The following UPK3B variants were observed in gnomAD, a reference collection of about 807,000 sequenced individuals.
The protein encoded by UPK3B is uroplakin-3b.
A neutral mutation model predicts 27.6 loss-of-function variants in UPK3B; 21 were observed. The observed-to-expected ratio is 0.76, with a 90% CI of 0.54 to 1.10. The LOEUF (loss-of-function observed/expected upper bound fraction) is 1.10. UPK3B is among the 50% of genes least tolerant of loss of function. UPK3B has a pLI of 0.00. For missense variants in UPK3B, 306 were observed against 376.1 expected (o/e 0.81, Z 1.54); for synonymous variants, 141 against 162.3 (o/e 0.87, Z 1.00).
chr7:76,513,370 G>A (rs1186978118), intron 4 of UPK3B, among the ~76,000 whole-genome samples: 1 of 152,154 alleles, frequency 6.6e-6, no homozygotes, highest in Admixed American at 6.6e-5. Context: ...CGGCCCATCC[G>A]CAAGCGTTTG....
At position 76,516,510 on chromosome 7, in the gene UPK3B, G is replaced by A; in HGVS notation, c.*1306G>A. On this transcript the variant is annotated 3_prime_UTR_variant, in exon 6 of 6. Transcript: ENST00000334348. ...GCCCTCTTTGGAGGTGAATAAATGC[G>A]GTCTGGAGCCCACCCTGGCCTGAAT... is the stretch of plus-strand genomic sequence containing the variant. 4.9e-6 allele frequency: 3 copies of A among 611,404 alleles called. 1 individual carries two copies. The highest frequency in any genetic ancestry group is 5.7e-6 in the Non-Finnish European group (3 of 529,788). 37.9% of individuals were successfully genotyped at this position (611,404 alleles called of 1,614,324 possible). A position where few individuals can be genotyped will look rare whatever the true frequency, so the allele number is the denominator to read the frequency against.
rs768946440 is a variant in UPK3B at position 76,510,761 on chromosome 7, G to T, written c.85+24G>T. ...GGGTGAGTGGGGGTCCTGGATGGAC[G>T]CGTCCAGCCAGACCCAAGGGGCTGG... On this transcript the variant is annotated intron_variant, in intron 1 of 5. Transcript: ENST00000334348. 1.9e-5 allele frequency: 30 copies of T among 1,548,910 alleles called. No individual in the cohort carries two copies. Among genetic ancestry groups the T allele is most frequent in the African/African-American group, 4.1e-5 (3 of 73,204 alleles).
chr7:76,511,752 C>T lies in UPK3B; in HGVS notation c.331C>T (p.Pro111Ser), dbSNP rs1192093267. Residue 111 changes from proline (P) to serine (S), a missense_variant, in exon 3 of 6, where the codon CCG (proline) becomes TCG (serine). Pro to Ser is a moderately conservative substitution (Grantham distance 74). Coordinates refer to ENST00000334348, the MANE Select transcript of UPK3B (RefSeq NM_001347684.2). ...DGHYMTLPLSPDQLPCGDPMA... is the reference protein window; with the variant it reads ...DGHYMTLPLSSDQLPCGDPMA... ...CCACTACATGACGCTGCCCCTGTCT[C>T]CGGACCAGCTGCCCTGTGGCGACCC... 3.7e-6 allele frequency: 6 copies of T among 1,610,532 alleles called. No individual in the cohort carries two copies. The highest frequency in any genetic ancestry group is 4.2e-6 in the Non-Finnish European group (5 of 1,179,020).
In UPK3B at chr7:76,514,627, C is replaced by T. The variant is rs541706307; in HGVS notation, c.672-418C>T. On this transcript the variant is annotated intron_variant, in intron 5 of 5. Coordinates refer to ENST00000334348, the MANE Select transcript of UPK3B (RefSeq NM_001347684.2). ...AGGGATCAGAGACTGCAGGTGAGGCCGGGTGCAGTGGCACATGCCTGTAAT... is the reference window on the plus strand; with the variant it reads ...AGGGATCAGAGACTGCAGGTGAGGCTGGGTGCAGTGGCACATGCCTGTAAT... 1.1e-4 allele frequency among the ~76,000 whole-genome samples: 17 copies of T among 152,112 alleles called. No individual in the cohort carries two copies. In the East Asian group the frequency reaches 1.6e-3, roughly 14 times the overall value.
intron 2 of UPK3B, chr7:76,511,429 G>C: frequency 1.1e-6 from 1 of 917,470 alleles, no homozygotes; most frequent in Non-Finnish European, 1.6e-6. Flanking sequence ...GGCAGGTTGG[G>C]ACTGCCCGCT....
intron 5 of UPK3B, 85 bp downstream of exon 5, chr7:76,514,161 A>C: frequency 6.3e-7 from 1 of 1,594,508 alleles, no homozygotes; most frequent in Non-Finnish European, 8.6e-7. Flanking sequence ...CCCTCCAGGC[A>C]TGCCATGGGG....
At chr7:76,513,528 C>A (rs912513400) in intron 4 of UPK3B, among the ~76,000 whole-genome samples, 6 of 152,020 alleles carry the variant, frequency 3.9e-5, no homozygotes, top group African/African-American at 7.3e-5. Context: ...TCTGAGCAGA[C>A]CCCAAGGGGC....
chr7:76,513,107 C>T lies in UPK3B; in HGVS notation c.485C>T (p.Thr162Ile). The change falls in exon 4 of 6, where the codon ACC becomes ATC. Residue 162 changes from threonine (T) to isoleucine (I), a missense_variant. Coordinates refer to ENST00000334348, the MANE Select transcript of UPK3B (RefSeq NM_001347684.2). ...AGGGTGAAGTTCCTCCTGATGGACA[C>T]CAGGGGCTCACCCAGGGCTGAGACC... Reference protein sequence around the residue: ...PYRVKFLLMDTRGSPRAETKW... With the variant: ...PYRVKFLLMDIRGSPRAETKW... The T allele has an allele frequency of 6.2e-6, 10 of 1,613,764 alleles. No homozygotes were observed. The highest frequency in any genetic ancestry group is 8.5e-6 in the Non-Finnish European group (10 of 1,179,880).
Position 76,515,135 on chromosome 7 carries a change from C to T in UPK3B, c.762C>T (p.Pro254=). The T allele has an allele frequency of 6.2e-7, 1 of 1,601,036 alleles. No individual in the cohort carries two copies. The highest frequency in any genetic ancestry group is 2.3e-5 in the East Asian group (1 of 44,308). Residue 254 remains proline (P), a synonymous_variant, in exon 6 of 6, where the codon CCC becomes CCT. Coordinates refer to ENST00000334348, the MANE Select transcript of UPK3B (RefSeq NM_001347684.2). ...GKRYMTHHIP[P]REAATLPVGC... is the part of the protein sequence containing the mutation. ...GCTACATGACCCACCACATCCCACC[C>T]AGAGAGGCCGCCACACTGCCGGTGG...
rs759675154 is a variant in UPK3B at position 76,515,078 on chromosome 7, G to A, written c.705G>A (p.Glu235=). The change falls in exon 6 of 6, where the codon GAG becomes GAA. Residue 235 remains glutamate, a synonymous_variant. Coordinates refer to ENST00000334348, the MANE Select transcript of UPK3B (RefSeq NM_001347684.2). ...SSLWWPEEAP[E]QLRIGSFMGK... ...TGTGGTGGCCGGAGGAGGCCCCGGA[G>A]CAGCTGCGGATCGGCTCCTTCATGG... 6.3e-7 allele frequency: 1 copy of A among 1,597,976 alleles called. No homozygotes were observed. Among genetic ancestry groups the A allele is most frequent in the Non-Finnish European group, 8.5e-7 (1 of 1,173,424 alleles).
intron 4 of UPK3B, among the ~76,000 whole-genome samples, 183 bp downstream of exon 4, chr7:76,513,346 C>T (rs1265654387): frequency 1.3e-5 from 2 of 152,156 alleles, no homozygotes; most frequent in East Asian, 3.9e-4. Context: ...GCCCCCTCGG[C>T]AGGGGCACCA....
In UPK3B at chr7:76,515,678, G is replaced by A. The variant is rs1367177321; in HGVS notation, c.*474G>A. 1.5e-4 allele frequency: 96 copies of A among 620,074 alleles called. 33 individuals are homozygous for A. The East Asian group carries it at 0.01, about 66-fold the overall frequency. 38.4% of individuals were successfully genotyped at this position (620,074 alleles called of 1,614,324 possible). A position where few individuals can be genotyped will look rare whatever the true frequency, so the allele number is the denominator to read the frequency against. Reference sequence around the variant, plus strand: ...CCATCCCACACATCAGTGGCTGGGCGGGGTGAGGATTCAGAGGCATCTCTA... The same window carrying A: ...CCATCCCACACATCAGTGGCTGGGCAGGGTGAGGATTCAGAGGCATCTCTA... On this transcript the variant is annotated 3_prime_UTR_variant, in exon 6 of 6. Coordinates refer to ENST00000334348, the MANE Select transcript of UPK3B (RefSeq NM_001347684.2).
chr7:76,516,246 G>A lies in UPK3B; in HGVS notation c.*1042G>A, dbSNP rs1812721468. 2 of 611,814 alleles carry A rather than the reference G, an allele frequency of 3.3e-6. 1 individual carries two copies. The highest frequency in any genetic ancestry group is 3.8e-6 in the Non-Finnish European group (2 of 529,944). The allele number at this position is 611,814 out of a possible 1,614,324, so 37.9% of individuals were successfully genotyped here. A position where few individuals can be genotyped will look rare whatever the true frequency, so the allele number is the denominator to read the frequency against. On this transcript the variant is annotated 3_prime_UTR_variant, in exon 6 of 6. Coordinates refer to ENST00000334348, the MANE Select transcript of UPK3B (RefSeq NM_001347684.2). ...AGGTCAGGACTCTAGGCCTCCCTCCGCCAAGCCAGAGGGATGAGCAATCAC... is the reference window on the plus strand; with the variant it reads ...AGGTCAGGACTCTAGGCCTCCCTCCACCAAGCCAGAGGGATGAGCAATCAC...
chr7:76,510,572 C>T lies in UPK3B; in HGVS notation c.-81C>T. On this transcript the variant is annotated 5_prime_UTR_variant, in exon 1 of 6. Transcript: ENST00000334348. Reference sequence around the variant, plus strand: ...GGGGCAGCCTGATTAACCAGCTTCTCCAGGGCCAAGCTGTTGGGGGTGAGG... The same window carrying T: ...GGGGCAGCCTGATTAACCAGCTTCTTCAGGGCCAAGCTGTTGGGGGTGAGG... 1 of 1,313,920 alleles carries T rather than the reference C, an allele frequency of 7.6e-7. No individual in the cohort carries two copies. The highest frequency in any genetic ancestry group is 9.9e-7 in the Non-Finnish European group (1 of 1,012,800). The allele number at this position is 1,313,920 out of a possible 1,614,324, so 81.4% of individuals were successfully genotyped here.
intron 2 of UPK3B, chr7:76,511,455 C>T (rs1812528432): frequency 3.7e-6 from 3 of 819,258 alleles, no homozygotes; most frequent in Non-Finnish European, 5.7e-6. Flanking sequence ...CCACTCCTGG[C>T]TCTGGGTGGG....
chr7:76,511,000 T>C lies in UPK3B; in HGVS notation c.183T>C (p.Asp61=), dbSNP rs560475252. 39 of 1,596,418 alleles carry C rather than the reference T, an allele frequency of 2.4e-5. No individual in the cohort carries two copies. In the East Asian group the frequency reaches 8.4e-4, roughly 34 times the overall value. Residue 61 remains aspartate (D), a synonymous_variant, in exon 2 of 6, where the codon GAT becomes GAC. Coordinates refer to ENST00000334348, the MANE Select transcript of UPK3B (RefSeq NM_001347684.2). The part of the protein sequence containing the change: ...FSLEQPRCVF[D]GLASASDTVW... Reference sequence around the variant, plus strand: ...TGGAGCAGCCGCGCTGTGTCTTCGATGGGCTTGCCAGCGCCAGCGATACCG... The same window carrying C: ...TGGAGCAGCCGCGCTGTGTCTTCGACGGGCTTGCCAGCGCCAGCGATACCG...
chr7:76,510,835 G>A (rs1812496005), intron 1 of UPK3B, 68 bp from the exon 2 acceptor site: 1 of 1,602,004 alleles, frequency 6.2e-7, no homozygotes. Flanking sequence ...CCCTCCGATT[G>A]GGAGAGGCAG....
intron 3 of UPK3B, 72 bp from the exon 4 acceptor site, chr7:76,513,012 G>A (rs115931779): frequency 0.039 from 52,349 of 1,334,024 alleles, 2,462 homozygotes; most frequent in African/African-American, 0.21. Flanking sequence ...AGCTGCCTGG[G>A]GCTTGGCCCT....
rs771389338 is a variant in UPK3B, at chr7:76,511,034, G to A, written c.217G>A (p.Val73Met). 489 of 1,601,870 alleles carry A rather than the reference G, an allele frequency of 3.1e-4. 3 individuals carry two copies. The highest frequency in any genetic ancestry group is 3.9e-4 in the Non-Finnish European group (454 of 1,173,980). ...CAGCGCCAGCGATACCGTCTGGCTC[G>A]TGGTGGCCTTCAGCAATGGTACGGG... The part of the protein sequence containing the change: ...LASASDTVWL[V>M]VAFSNASRGF... The change falls in exon 2 of 6, where the codon GTG (valine) becomes ATG (methionine). Residue 73 changes from valine to methionine, a missense_variant. Transcript: ENST00000334348.
Sources: gnomAD v4.1 joint callset for allele counts (sites outside exome capture counted in the v4.1 genomes callset) on GRCh38, gnomAD v4.1.1 for gene constraint, MANE v1.5 for transcripts, NCBI Gene and HGNC (gene_info 2026-07-23, HGNC 2026-07-21) for gene names.